Variants in ERICH2 observed in about 807,000 individuals in gnomAD.
ERICH2 encodes glutamate rich 2.
A neutral mutation model predicts 17.4 loss-of-function variants in ERICH2; 17 were observed. That is an observed-to-expected ratio of 0.98 (90% CI 0.67 to 1.47). ERICH2 has a LOEUF of 1.47. ERICH2 is among the 40% of genes most tolerant of loss of function. The pLI, the probability that ERICH2 is intolerant of heterozygous loss-of-function variation, is 0.00. For synonymous variants in ERICH2, 51 were observed against 61.1 expected (o/e 0.83, Z 0.77); for missense variants, 186 against 183.2 (o/e 1.01, Z -0.09).
Position 170,798,027 on chromosome 2 carries a change from A to AT in ERICH2, c.275-10dup, listed in dbSNP as rs777729100. On this transcript the variant is annotated splice_polypyrimidine_tract_variant and intron_variant, in intron 3 of 4. Coordinates refer to ENST00000409885, the Ensembl canonical transcript of ERICH2. ...GTTAATAACACACATTCTGTTGTCC[A>AT]TTTTCATTTTCAGTCCTAATCTATG... 442 of 1,532,332 alleles carry AT rather than the reference A, an allele frequency of 2.9e-4. No homozygotes were observed. The highest frequency in any genetic ancestry group is 3.3e-4 in the Non-Finnish European group (377 of 1,130,756). 94.9% of individuals were successfully genotyped at this position (1,532,332 alleles called of 1,614,324 possible).
At chr2:170,792,895 G>A (rs938672313) in exon 3 of ERICH2, 1 of 1,514,398 alleles carries the variant, frequency 6.6e-7, no homozygotes, top group South Asian at 1.3e-5. Context: ...GAGAGTACCA[G>A]CTGGCAAAAA....
At chr2:170,784,004 CTG>C (rs994540713) in intron 1 of ERICH2, 2 of 1,240,032 alleles carry the variant, frequency 1.6e-6, no homozygotes, top group African/African-American at 3.0e-5. Flanking sequence ...TGTTGTTGTT[CTG>C]TGTTTTCTTA....
At chr2:170,775,045 G>A in the ERICH2 span, among the ~76,000 whole-genome samples, 4 of 152,110 alleles carry the variant, frequency 2.6e-5, no homozygotes, top group East Asian at 7.7e-4. Context: ...GTGAAAATGG[G>A]AGGAGAATTA....
At chr2:170,787,480 G>C (rs1392728016) in intron 2 of ERICH2, among the ~76,000 whole-genome samples, 1 of 152,202 alleles carries the variant, frequency 6.6e-6, no homozygotes. Flanking sequence ...ATGTTAGGAG[G>C]ACCTTCCACT....
chr2:170,782,960 C>T (rs140782406), upstream of ERICH2, among the ~76,000 whole-genome samples: 235 of 151,980 alleles, frequency 1.5e-3, 3 homozygotes, highest in Admixed American at 3.6e-3. Context: ...TTGCCAAGCA[C>T]GCTAGTATAT....
At chr2:170,797,913 T>G (rs1030114668) in intron 3 of ERICH2, 128 bp from the exon 9 acceptor site, 1 of 630,044 alleles carries the variant, frequency 1.6e-6, no homozygotes, top group African/African-American at 1.8e-5. Context: ...TGTGGTATAA[T>G]TGTTAGTGTT....
At chr2:170,771,258 A>G in the ERICH2 span, 1 of 153,478 alleles carries the variant, frequency 6.5e-6, no homozygotes, top group Non-Finnish European at 1.5e-5. This position sits in a 1 kb window ranked among gnomAD's most constrained non-coding sequence, Gnocchi z 4.8. Context: ...CAGCCCCCAC[A>G]GCAGACCACC....
At chr2:170,773,259 A>C in the ERICH2 span, among the ~76,000 whole-genome samples, 2 of 152,228 alleles carry the variant, frequency 1.3e-5, no homozygotes, top group Non-Finnish European at 1.5e-5. Flanking sequence ...ATTTCTTCCC[A>C]AAGTTAGTTT....
intron 2 of ERICH2, among the ~76,000 whole-genome samples, chr2:170,789,755 C>T (rs894636565): frequency 6.6e-6 from 1 of 152,088 alleles, no homozygotes; most frequent in Admixed American, 6.5e-5. Context: ...TACTTCTTTT[C>T]TTTTTCTGAG....
chr2:170,793,014 A>G, intron 3 of ERICH2, 94 bp downstream of exon 8: 1 of 669,150 alleles, frequency 1.5e-6, no homozygotes, highest in South Asian at 2.7e-5. Flanking sequence ...TCATAGGTCT[A>G]GTGAATTCCC....
chr2:170,785,611 G>A (rs1431389743), intron 2 of ERICH2, among the ~76,000 whole-genome samples: 1 of 152,004 alleles, frequency 6.6e-6, no homozygotes, highest in Admixed American at 6.6e-5. Context: ...AAGTTTTCTG[G>A]GAACAGGGAG....
At chr2:170,777,867 T>C in the ERICH2 span, 1 of 399,942 alleles carries the variant, frequency 2.5e-6, no homozygotes, top group Non-Finnish European at 4.4e-6. Context: ...AAATGAAAAA[T>C]GAATTTTGAT....
chr2:170,786,093 A>C (rs1421850549), intron 2 of ERICH2, among the ~76,000 whole-genome samples: 1 of 151,504 alleles, frequency 6.6e-6, no homozygotes, highest in Non-Finnish European at 1.5e-5. Flanking sequence ...AATGTCCTTT[A>C]TATTTACCCA....
At chr2:170,789,416 A>G (rs549928795) in intron 2 of ERICH2, among the ~76,000 whole-genome samples, 3 of 152,318 alleles carry the variant, frequency 2.0e-5, no homozygotes, top group Non-Finnish European at 4.4e-5. Context: ...TAATTCTGTA[A>G]TATATAATAT....
Position 170,798,859 on chromosome 2 carries a change from G to A in ERICH2, c.436G>A (p.Asp146Asn), listed in dbSNP as rs1468753099. 4.5e-6 allele frequency: 7 copies of A among 1,550,662 alleles called. No individual in the cohort carries two copies. The Admixed American group carries it at 9.8e-5, about 22-fold the overall frequency. Residue 146 changes from aspartate to asparagine, a missense_variant, in exon 5 of 5, where the codon GAC (aspartate) becomes AAC (asparagine). Coordinates refer to ENST00000409885, the Ensembl canonical transcript of ERICH2. Reference sequence around the variant, plus strand: ...AGGAGAAAGCGATGAGGAGCTGAGTGACGAGAGCTCTGACGAAGGTGAAGA... The same window carrying A: ...AGGAGAAAGCGATGAGGAGCTGAGTAACGAGAGCTCTGACGAAGGTGAAGA...
At chr2:170,772,553 C>T in the ERICH2 span, among the ~76,000 whole-genome samples, 1 of 152,126 alleles carries the variant, frequency 6.6e-6, no homozygotes, top group South Asian at 2.1e-4. Context: ...AACCTGACTC[C>T]AGAGTCTGGA....
the ERICH2 span, among the ~76,000 whole-genome samples, chr2:170,772,205 G>T: frequency 6.6e-6 from 1 of 152,224 alleles, no homozygotes; most frequent in East Asian, 1.9e-4. Flanking sequence ...TACGCTCACC[G>T]GTTGAGCCAC....
intron 3 of ERICH2, among the ~76,000 whole-genome samples, chr2:170,795,606 C>G (rs570687634): frequency 6.6e-6 from 1 of 152,140 alleles, no homozygotes; most frequent in African/African-American, 2.4e-5. Context: ...CTCAGCCTCC[C>G]GAAGTGTTGG....
At chr2:170,787,470 A>G (rs1701184091) in intron 2 of ERICH2, among the ~76,000 whole-genome samples, 1 of 152,238 alleles carries the variant, frequency 6.6e-6, no homozygotes, top group African/African-American at 2.4e-5. Context: ...AGTGTGCTGC[A>G]TGTTAGGAGG....
Sources: gnomAD v4.1 joint callset for allele counts (sites outside exome capture counted in the v4.1 genomes callset) on GRCh38, gnomAD v4.1.1 for gene constraint, Gnocchi (gnomAD v3.1) non-coding constraint, MANE v1.5 for transcripts, NCBI Gene and HGNC (gene_info 2026-07-23, HGNC 2026-07-21) for gene names.